PLD5: variants seen among roughly 807,000 people sequenced by gnomAD.
PLD5 encodes the protein phospholipase D family member 5.
In PLD5, 36 loss-of-function variants were observed where a neutral mutation model predicts 61.1. The observed-to-expected ratio is 0.59, with a 90% CI of 0.45 to 0.78. The LOEUF (loss-of-function observed/expected upper bound fraction) is 0.78. Among genes scored for constraint, PLD5 ranks in the 30% least tolerant of loss-of-function variants. PLD5 has a pLI of 0.00. For synonymous variants in PLD5, 243 were observed against 242.8 expected, an observed-to-expected ratio of 1.00 and a Z score of -0.01; for missense variants, 515 against 644.4, an observed-to-expected ratio of 0.80 and a Z score of 2.17.
chr1:242,325,303 A>G (rs1349141556), intron 2 of PLD5, among the ~76,000 whole-genome samples: 2 of 151,436 alleles, frequency 1.3e-5, no homozygotes, highest in Non-Finnish European at 2.9e-5. Context: ...GCAGGGATCT[A>G]AATGATGGTG....
chr1:242,467,909 C>G lies in PLD5; in HGVS notation c.189+56179G>C, dbSNP rs529341840. ...CTGAAGAAAGCCCCTTCCACTGTGC[C>G]CCCAGTAGAACCGCCCCCCAAAGCA... On this transcript the variant is annotated intron_variant, in intron 1 of 9. Coordinates refer to ENST00000536534, the MANE Select transcript of PLD5 (RefSeq NM_001372062.1). Among the ~76,000 whole-genome samples, 159 of 151,686 alleles carry G rather than the reference C, an allele frequency of 1.0e-3. 2 individuals are homozygous for G. Among genetic ancestry groups the G allele is most frequent in the South Asian group, 2.3e-3 (11 of 4,800 alleles).
chr1:242,145,167 G>A (rs2840608), intron 5 of PLD5, among the ~76,000 whole-genome samples: 89,698 of 151,436 alleles, frequency 0.59, 27,204 homozygotes, highest in African/African-American at 0.71. Flanking sequence ...CACACCCTCA[G>A]CCGCTATGCT....
At chr1:242,328,304 AT>A (rs1489681017) in intron 2 of PLD5, among the ~76,000 whole-genome samples, 3 of 2,366 alleles carry the variant, frequency 1.3e-3, no homozygotes, top group African/African-American at 2.7e-3. Context: ...TATGTTCTAC[AT>A]ATATATGTTC....
chr1:242,295,165 C>T (rs1328022251), intron 2 of PLD5, among the ~76,000 whole-genome samples: 1 of 152,060 alleles, frequency 6.6e-6, no homozygotes, highest in Non-Finnish European at 1.5e-5. Context: ...TTCAGGGGTA[C>T]ACACGCAGGT....
At chr1:242,482,771 T>C (rs1339019622) in intron 1 of PLD5, among the ~76,000 whole-genome samples, 1 of 151,950 alleles carries the variant, frequency 6.6e-6, no homozygotes, top group Admixed American at 6.6e-5. Flanking sequence ...TTCACCAAAG[T>C]TGAAATGAAG....
chr1:242,401,304 A>G (rs994103374), intron 1 of PLD5, among the ~76,000 whole-genome samples: 6 of 151,812 alleles, frequency 4.0e-5, no homozygotes, highest in African/African-American at 1.5e-4. Context: ...CCCACCCCTC[A>G]TTCTTAATCA....
intron 2 of PLD5, among the ~76,000 whole-genome samples, chr1:242,300,974 T>C (rs1280741805): frequency 6.6e-6 from 1 of 152,176 alleles, no homozygotes; most frequent in Admixed American, 6.5e-5. Context: ...CAAGGATGCT[T>C]GTGTGATGTC....
chr1:242,150,053 A>T (rs1012540648), intron 5 of PLD5, among the ~76,000 whole-genome samples: 13 of 151,832 alleles, frequency 8.6e-5, no homozygotes, highest in Admixed American at 6.6e-5. Flanking sequence ...ACTCAAATCA[A>T]AATATTCAAT....
rs377540462 is a variant in PLD5, at chr1:242,167,078, G to GTAA, written c.736-42416_736-42414dup. Among the ~76,000 whole-genome samples the GTAA allele has an allele frequency of 3.0e-3, 177 of 58,646 alleles. 2 individuals are homozygous for GTAA. The highest frequency in any genetic ancestry group is 0.022 in the East Asian group (36 of 1,672). The allele number at this position is 58,646 out of a possible 152,430, so 38.5% of individuals were successfully genotyped here. A position where few individuals can be genotyped will look rare whatever the true frequency, so the allele number is the denominator to read the frequency against. On this transcript the variant is annotated intron_variant, in intron 5 of 9. Coordinates refer to ENST00000536534, the MANE Select transcript of PLD5 (RefSeq NM_001372062.1). ...TTGAGAGTGAGAGACAATAATAATA[G>GTAA]TAATAATAATAATAATAATAATAAT... is the stretch of plus-strand genomic sequence containing the variant.
rs77806279 is a variant in PLD5 at position 242,450,389 on chromosome 1, A to G, written c.189+73699T>C. On this transcript the variant is annotated intron_variant, in intron 1 of 9. Coordinates refer to ENST00000536534, the MANE Select transcript of PLD5 (RefSeq NM_001372062.1). ...GGCAGCATCTATTCCACTCTAGAAT[A>G]TTTACTAGCTGAGTTAATACATTGA... is the stretch of plus-strand genomic sequence containing the variant. 9.9e-3 allele frequency among the ~76,000 whole-genome samples: 1,512 copies of G among 152,276 alleles called. 64 individuals carry two copies. The highest frequency in any genetic ancestry group is 0.068 in the Admixed American group (1,044 of 15,292).
intron 1 of PLD5, among the ~76,000 whole-genome samples, chr1:242,517,866 T>G (rs1263432610): frequency 2.0e-5 from 3 of 152,170 alleles, no homozygotes; most frequent in African/African-American, 4.8e-5. Flanking sequence ...AGTAAATATC[T>G]GGTGACTGAT....
intron 9 of PLD5, among the ~76,000 whole-genome samples, chr1:242,098,274 T>A (rs1660405982): frequency 6.6e-6 from 1 of 152,228 alleles, no homozygotes; most frequent in Non-Finnish European, 1.5e-5. Context: ...TATTCTTTTT[T>A]CTCTAAACTT....
rs570259900 is a variant in PLD5, at chr1:242,105,222, G to GTT, written c.1239+2447_1239+2448dup. On this transcript the variant is annotated intron_variant, in intron 8 of 9. Transcript: ENST00000536534. Reference sequence around the variant, plus strand: ...AATGAATTGTTTGTACTGTGTGTTGGTTTTTTTTTTTTTCCTTCAGAGACA... The same window carrying GTT: ...AATGAATTGTTTGTACTGTGTGTTGGTTTTTTTTTTTTTTTCCTTCAGAGACA... 4.5e-3 allele frequency among the ~76,000 whole-genome samples: 657 copies of GTT among 146,536 alleles called. 3 individuals are homozygous for GTT. Among genetic ancestry groups the GTT allele is most frequent in the Middle Eastern group, 0.018 (5 of 280 alleles).
chr1:242,179,616 G>A (rs939693871), intron 5 of PLD5, among the ~76,000 whole-genome samples: 1 of 152,278 alleles, frequency 6.6e-6, no homozygotes, highest in Non-Finnish European at 1.5e-5. Flanking sequence ...AATTGAGTGT[G>A]TATAGGCCAG....
intron 1 of PLD5, among the ~76,000 whole-genome samples, chr1:242,456,876 C>T (rs61839809): frequency 0.23 from 34,899 of 152,050 alleles, 4,951 homozygotes; most frequent in Admixed American, 0.33. Context: ...CCGCCCGACA[C>T]TGCGTCCGTA....
chr1:242,119,462 T>C (rs1310332425), intron 6 of PLD5, among the ~76,000 whole-genome samples: 1 of 152,202 alleles, frequency 6.6e-6, no homozygotes, highest in African/African-American at 2.4e-5. Context: ...TTAAGGGACT[T>C]GTATACAGAC....
At chr1:242,391,749 C>A (rs1662946243) in intron 1 of PLD5, among the ~76,000 whole-genome samples, 1 of 151,506 alleles carries the variant, frequency 6.6e-6, no homozygotes, top group Non-Finnish European at 1.5e-5. Flanking sequence ...ACATACTCAG[C>A]TCTGTCTTGG....
At chr1:242,307,685 G>T (rs548142813) in intron 2 of PLD5, among the ~76,000 whole-genome samples, 1 of 152,260 alleles carries the variant, frequency 6.6e-6, no homozygotes, top group East Asian at 1.9e-4. Context: ...CCCTGGTATG[G>T]ACTAGGAGGT....
chr1:242,482,023 A>T (rs1667795362), intron 1 of PLD5, among the ~76,000 whole-genome samples: 1 of 152,204 alleles, frequency 6.6e-6, no homozygotes, highest in South Asian at 2.1e-4. Flanking sequence ...GAAAACTAAC[A>T]AACAGAAAGG....
Sources: allele counts gnomAD v4.1 joint callset (sites outside exome capture counted in the v4.1 genomes callset), GRCh38; gene constraint gnomAD v4.1.1; transcripts MANE v1.5; gene names NCBI Gene and HGNC (gene_info 2026-07-23, HGNC 2026-07-21).